The following GLDC variants were observed in gnomAD, a reference collection of about 807,000 sequenced individuals.
GLDC encodes the protein glycine decarboxylase.
GLDC carries 104 observed loss-of-function variants against 121.3 expected under a neutral mutation model. That is an observed-to-expected ratio of 0.86 (90% CI 0.73 to 1.01). The LOEUF (loss-of-function observed/expected upper bound fraction) is 1.01. GLDC is among the 50% of genes least tolerant of loss of function. GLDC has a pLI of 0.00. For synonymous variants in GLDC, 546 were observed against 480.6 expected (o/e 1.14, Z -1.78); for missense variants, 1,429 against 1,306.6 (o/e 1.09, Z -1.44).
chr9:6,606,170 G>T (rs181459645), intron 5 of GLDC: 287 of 202,962 alleles, frequency 1.4e-3, no homozygotes, highest in African/African-American at 5.9e-3. Context: ...TTAGCCAGGC[G>T]TGGTGGCGGG....
intron 8 of GLDC, among the ~76,000 whole-genome samples, chr9:6,597,913 GATGGAGCGAGACTCGT>G (rs1818522177): frequency 9.8e-6 from 1 of 101,974 alleles, no homozygotes; most frequent in Non-Finnish European, 2.7e-5. Context: ...CAGCCTGGGC[GATGGAGCGAGACTCGT>G]CTCCAAAAAA....
At chr9:6,635,266 T>G (rs1351990915) in intron 2 of GLDC, among the ~76,000 whole-genome samples, 1 of 152,198 alleles carries the variant, frequency 6.6e-6, no homozygotes, top group African/African-American at 2.4e-5. Flanking sequence ...TGACTCTCAA[T>G]AAGTGCAGAA....
At chr9:6,539,226 C>A (rs573120736) in intron 22 of GLDC, among the ~76,000 whole-genome samples, 3 of 152,052 alleles carry the variant, frequency 2.0e-5, no homozygotes, top group Non-Finnish European at 4.4e-5. Context: ...ACCTGTAATC[C>A]CAGCACTTTC....
At position 6,592,908 on chromosome 9, in the gene GLDC, C is replaced by G; in HGVS notation, c.1344G>C (p.Glu448Asp). Reference protein sequence around the residue: ...LKIQCGCSVKEVLGRAAQRQI... With the variant: ...LKIQCGCSVKDVLGRAAQRQI... The stretch of plus-strand genomic sequence containing the variant: ...GCCGCTGAGCGGCCCTGCCCAAGAC[C>G]TCCTTCACTGAGCAGCCACACTGAA... Residue 448 changes from glutamate (E) to aspartate (D), a missense_variant, in exon 10 of 25, where the codon GAG (glutamate) becomes GAC (aspartate). Glu to Asp is a conservative substitution (Grantham distance 45, BLOSUM62 2). Transcript: ENST00000321612. 1 of 1,614,016 alleles carries G rather than the reference C, an allele frequency of 6.2e-7. No individual in the cohort carries two copies. The highest frequency in any genetic ancestry group is 8.5e-7 in the Non-Finnish European group (1 of 1,179,854).
At chr9:6,608,603 G>A (rs1442931949) in intron 4 of GLDC, among the ~76,000 whole-genome samples, 8 of 149,716 alleles carry the variant, frequency 5.3e-5, no homozygotes, top group Non-Finnish European at 7.4e-5. Flanking sequence ...AAAATTAGCC[G>A]GGCGTGGTGG....
At position 6,538,729 on chromosome 9, in the gene GLDC, C is replaced by T. The variant is rs114469938; in HGVS notation, c.2665+1322G>A. The stretch of plus-strand genomic sequence containing the variant: ...TCCCTGTGAGCCCCTCCTCTCTCTC[C>T]TTGCAAATGCTGTTGCAGTTAGATG... On this transcript the variant is annotated intron_variant, in intron 22 of 24. Coordinates refer to ENST00000321612, the MANE Select transcript of GLDC (RefSeq NM_000170.3). Among the ~76,000 whole-genome samples the T allele has an allele frequency of 9.4e-3, 1,439 of 152,316 alleles. 20 individuals are homozygous for T. Among genetic ancestry groups the T allele is most frequent in the African/African-American group, 0.033 (1,373 of 41,564 alleles).
At chr9:6,620,508 A>G (rs1819070348) in intron 2 of GLDC, among the ~76,000 whole-genome samples, 189 bp from the exon 3 acceptor site, 1 of 151,562 alleles carries the variant, frequency 6.6e-6, no homozygotes, top group Non-Finnish European at 1.5e-5. Context: ...TCCCCAAACA[A>G]CACTCAATTT....
At position 6,534,807 on chromosome 9, in the gene GLDC, C is replaced by G; in HGVS notation, c.2839-19G>C. On this transcript the variant is annotated intron_variant, in intron 23 of 24. Transcript: ENST00000321612. ...GAGACATCTGAGACAGAGACACGGA[C>G]AGAGGAGGGGTCAGAGCAATACACT... 5 of 1,431,332 alleles carry G rather than the reference C, an allele frequency of 3.5e-6. No individual in the cohort carries two copies. The highest frequency in any genetic ancestry group is 4.9e-6 in the Non-Finnish European group (5 of 1,013,680). The allele number at this position is 1,431,332 out of a possible 1,614,324, so 88.7% of individuals were successfully genotyped here.
intron 2 of GLDC, among the ~76,000 whole-genome samples, chr9:6,644,029 C>CAAAAAAAAAAAAAAA (rs531081758): frequency 5.5e-5 from 1 of 18,336 alleles, no homozygotes; most frequent in Non-Finnish European, 9.8e-5. Context: ...GATTCTGTCT[C>CAAAAAAAAAAAAAAA]AAAAAAAAAA....
chr9:6,548,970 T>C (rs1817452768), intron 21 of GLDC, among the ~76,000 whole-genome samples: 1 of 152,178 alleles, frequency 6.6e-6, no homozygotes, highest in African/African-American at 2.4e-5. Context: ...TGGAATCCTT[T>C]TCCCCTCTCC....
chr9:6,573,091 T>G (rs1369059353), intron 15 of GLDC, among the ~76,000 whole-genome samples: 1 of 152,154 alleles, frequency 6.6e-6, no homozygotes, highest in East Asian at 1.9e-4. Flanking sequence ...ATTTCACAGG[T>G]GAACTTAAAA....
intron 11 of GLDC, among the ~76,000 whole-genome samples, chr9:6,589,897 A>T (rs1171138066): frequency 6.6e-6 from 1 of 152,116 alleles, no homozygotes; most frequent in Non-Finnish European, 1.5e-5. Flanking sequence ...TCTACTAAAA[A>T]ATACAAAATT....
chr9:6,629,957 A>ATATATGTATATATATATATATATATAT, intron 2 of GLDC, among the ~76,000 whole-genome samples: 1 of 83,100 alleles, frequency 1.2e-5, no homozygotes, highest in African/African-American at 6.9e-5. Context: ...ATATATATAT[A>ATATATGTATATATATATATATATATAT]TTTTTTTTTT....
intron 18 of GLDC, 142 bp downstream of exon 18, chr9:6,556,011 G>T (rs1256736677): frequency 1.7e-5 from 11 of 662,952 alleles, no homozygotes; most frequent in Non-Finnish European, 2.9e-5. Context: ...CCAAGGCCAT[G>T]AGAGATCAAC....
chr9:6,615,420 AT>A (rs1216084873), intron 3 of GLDC, among the ~76,000 whole-genome samples: 3 of 143,372 alleles, frequency 2.1e-5, no homozygotes, highest in Admixed American at 7.2e-5. Context: ...TCTACTAAAA[AT>A]TTAAAAAAAA....
intron 15 of GLDC, among the ~76,000 whole-genome samples, chr9:6,583,922 A>C (rs1818217802): frequency 6.6e-6 from 1 of 152,244 alleles, no homozygotes; most frequent in Non-Finnish European, 1.5e-5. Context: ...GAATTTGAGA[A>C]AATCAAAAAG....
At chr9:6,627,907 T>G (rs1819279394) in intron 2 of GLDC, among the ~76,000 whole-genome samples, 1 of 152,218 alleles carries the variant, frequency 6.6e-6, no homozygotes, top group Non-Finnish European at 1.5e-5. Flanking sequence ...AAATATCACT[T>G]TGGCCAGATC....
intron 21 of GLDC, among the ~76,000 whole-genome samples, chr9:6,549,016 A>G (rs990498868): frequency 1.3e-5 from 2 of 152,148 alleles, no homozygotes; most frequent in Admixed American, 6.5e-5. Flanking sequence ...CCCATTTTAA[A>G]CACCCAGCGT....
chr9:6,536,143 C>T lies in GLDC; in HGVS notation c.2759G>A (p.Cys920Tyr), dbSNP rs769670556. The change falls in exon 23 of 25, where the codon TGT becomes TAT. Residue 920 changes from cysteine (C) to tyrosine (Y), a missense_variant. By Grantham distance (194) the Cys-to-Tyr change is radical (BLOSUM62 -2). Coordinates refer to ENST00000321612, the MANE Select transcript of GLDC (RefSeq NM_000170.3). ...SEDKAELDRFCDAMISIRQEI... is the reference protein window; with the variant it reads ...SEDKAELDRFYDAMISIRQEI... ...CTGCCGAATGCTGATCATGGCATCA[C>T]AGAATCTGTCCAGCTCTGCCTTGTC... is the stretch of plus-strand genomic sequence containing the variant. 1.2e-6 allele frequency: 2 copies of T among 1,614,160 alleles called. No homozygotes were observed. The highest frequency in any genetic ancestry group is 2.2e-5 in the South Asian group (2 of 91,084).
Sources: gnomAD v4.1 joint callset for allele counts (sites outside exome capture counted in the v4.1 genomes callset) on GRCh38, gnomAD v4.1.1 for gene constraint, MANE v1.5 for transcripts, NCBI Gene and HGNC (gene_info 2026-07-23, HGNC 2026-07-21) for gene names.